KAZN: variants seen among roughly 807,000 people sequenced by gnomAD.
The protein encoded by KAZN is kazrin.
Under a neutral mutation model 87.4 loss-of-function variants are expected in KAZN, and 40 were observed. That is an observed-to-expected ratio of 0.46 (90% CI 0.36 to 0.60). KAZN has a LOEUF of 0.60. Among genes scored for constraint, KAZN ranks in the 20% least tolerant of loss-of-function variants. The pLI is 0.00. For missense variants in KAZN, 898 were observed against 1,073.9 expected (o/e 0.84, Z 2.29); for synonymous variants, 466 against 458.3 (o/e 1.02, Z -0.22).
chr1:14,681,617 A>ATATATATATATATATATGTGTG (rs1640594869), intron 1 of KAZN, among the ~76,000 whole-genome samples: 2 of 6,836 alleles, frequency 2.9e-4, no homozygotes, highest in African/African-American at 1.0e-3. Context: ...ATATGTGTAT[A>ATATATATATATATATATGTGTG]TATATATATA....
intron 1 of KAZN, among the ~76,000 whole-genome samples, chr1:14,638,238 A>G (rs1332035720): frequency 6.6e-6 from 1 of 152,120 alleles, no homozygotes; most frequent in African/African-American, 2.4e-5. Context: ...TGGGGGGGAC[A>G]CCATTCAACC....
intron 2 of KAZN, among the ~76,000 whole-genome samples, chr1:14,367,088 G>A (rs7546109): frequency 0.067 from 10,209 of 152,188 alleles, 550 homozygotes; most frequent in South Asian, 0.2. Context: ...AATTAGCGAG[G>A]CGTGGTGGCA....
At chr1:14,455,392 A>G (rs1415520766) in intron 2 of KAZN, among the ~76,000 whole-genome samples, 1 of 152,164 alleles carries the variant, frequency 6.6e-6, no homozygotes, top group Non-Finnish European at 1.5e-5. Flanking sequence ...GCTCTTCTGG[A>G]ACTTTCCATC....
chr1:14,837,825 G>A (rs570517425), intron 1 of KAZN, among the ~76,000 whole-genome samples: 1 of 152,148 alleles, frequency 6.6e-6, no homozygotes, highest in East Asian at 1.9e-4. Context: ...AAAGTGCTGG[G>A]ATTACAGGCG....
intron 1 of KAZN, among the ~76,000 whole-genome samples, chr1:14,083,134 C>T (rs1012804437): frequency 6.6e-6 from 1 of 152,182 alleles, no homozygotes; most frequent in East Asian, 1.9e-4. Context: ...AGGCTGTCCC[C>T]AGGGAACAAA....
Position 14,875,750 on chromosome 1 carries a change from T to C in KAZN, c.227-84934T>C, listed in dbSNP as rs549755521. On this transcript the variant is annotated intron_variant, in intron 1 of 14. Transcript: ENST00000376030. ...GGCAATGACTACAAATCAGGGCTCC[T>C]TCGCCCAACCCTCCACAGTTGATTG... Among the ~76,000 whole-genome samples, 3 of 152,332 alleles carry C rather than the reference T, an allele frequency of 2.0e-5. No individual in the cohort carries two copies. In the East Asian group the frequency reaches 5.8e-4, roughly 29 times the overall value.
chr1:14,537,583 T>C (rs1344197450), intron 2 of KAZN, among the ~76,000 whole-genome samples: 4 of 152,106 alleles, frequency 2.6e-5, no homozygotes, highest in Admixed American at 1.3e-4. Flanking sequence ...CTGAGTGTGG[T>C]CATTTGAATT....
intron 2 of KAZN, among the ~76,000 whole-genome samples, chr1:14,253,132 A>G (rs1379019387): frequency 3.3e-5 from 5 of 151,896 alleles, no homozygotes; most frequent in Admixed American, 6.6e-5. Flanking sequence ...AAAAAAAAAA[A>G]AAAACGGCCC....
Position 14,332,284 on chromosome 1 carries a change from T to C in KAZN, c.249+151692T>C, listed in dbSNP as rs1325269481. ...TAAGCTTTTGCTGTTGGGCAGAGTG[T>C]ATTCTCAGTATCTTCTGGTATACAT... On this transcript the variant is annotated intron_variant, in intron 2 of 16. Transcript: ENST00000636203. Among the ~76,000 whole-genome samples, 4 of 152,168 alleles carry C rather than the reference T, an allele frequency of 2.6e-5. No individual in the cohort carries two copies. The East Asian group carries it at 7.7e-4, about 29-fold the overall frequency.
intron 2 of KAZN, among the ~76,000 whole-genome samples, chr1:14,532,816 C>T (rs1276351113): frequency 6.6e-6 from 1 of 151,842 alleles, no homozygotes; most frequent in South Asian, 2.1e-4. Flanking sequence ...TTTTTTATGG[C>T]TGCATAGTAT....
chr1:15,036,230 A>T (rs1004463068), intron 3 of KAZN, among the ~76,000 whole-genome samples: 6 of 30,154 alleles, frequency 2.0e-4, no homozygotes, highest in African/African-American at 3.1e-4. Flanking sequence ...CTCTCCCCCC[A>T]TCCCCCTCTG....
chr1:14,594,770 C>G (rs76457713), upstream of KAZN, among the ~76,000 whole-genome samples: 2 of 152,276 alleles, frequency 1.3e-5, no homozygotes, highest in East Asian at 1.9e-4. Context: ...CCCAGGACAC[C>G]GGCGGTAAAC....
In KAZN at chr1:14,985,354, A is replaced by G. The variant is rs181464717; in HGVS notation, c.418+24479A>G. On this transcript the variant is annotated intron_variant, in intron 2 of 14. Coordinates refer to ENST00000376030, the MANE Select transcript of KAZN (RefSeq NM_201628.3). ...AGACCAGGTTGGGCAACATAGGGAG[A>G]CCTTGTCTCTATAAAACATTTTTAA... Among the ~76,000 whole-genome samples, 15 of 149,172 alleles carry G rather than the reference A, an allele frequency of 1.0e-4. No homozygotes were observed. In the East Asian group the frequency reaches 2.8e-3, roughly 28 times the overall value.
At chr1:14,439,350 T>C (rs1666572073) in intron 2 of KAZN, among the ~76,000 whole-genome samples, 1 of 149,228 alleles carries the variant, frequency 6.7e-6, no homozygotes, top group African/African-American at 2.5e-5. Context: ...GCTGCCCTGA[T>C]CTGAGCCACC....
At chr1:14,484,735 C>T (rs910840170) in intron 2 of KAZN, among the ~76,000 whole-genome samples, 14 of 152,194 alleles carry the variant, frequency 9.2e-5, no homozygotes, top group Admixed American at 8.5e-4. Flanking sequence ...GGCAGCCATG[C>T]GATCTTGGCT....
intron 11 of KAZN, among the ~76,000 whole-genome samples, chr1:15,102,857 C>A (rs1641127593): frequency 6.6e-6 from 1 of 152,240 alleles, no homozygotes; most frequent in Admixed American, 6.5e-5. Flanking sequence ...AGCAGCAGTG[C>A]CTTCCCCATG....
At chr1:14,409,013 A>C (rs1015845186) in intron 2 of KAZN, among the ~76,000 whole-genome samples, 7 of 152,176 alleles carry the variant, frequency 4.6e-5, no homozygotes, top group African/African-American at 1.4e-4. Context: ...AAAACATTCC[A>C]GGCAGAGGGA....
At position 15,021,422 on chromosome 1, in the gene KAZN, G is replaced by T. The variant is rs1386607189; in HGVS notation, c.419-13327G>T. Among the ~76,000 whole-genome samples, 1 of 152,180 alleles carries T rather than the reference G, an allele frequency of 6.6e-6. No homozygotes were observed. Among genetic ancestry groups the T allele is most frequent in the East Asian group, 1.9e-4 (1 of 5,192 alleles). On this transcript the variant is annotated intron_variant, in intron 2 of 14. Coordinates refer to ENST00000376030, the MANE Select transcript of KAZN (RefSeq NM_201628.3). This position sits in a 1 kb window ranked among gnomAD's most constrained non-coding sequence, Gnocchi z 4.2. ...TGCCACTATTTTTAGTGGTGATTGG[G>T]AGGAAGGAGGACATTTCCTGGACTC... is the stretch of plus-strand genomic sequence containing the variant.
Position 13,926,652 on chromosome 1 carries a change from TAAAA to T in KAZN, c.91+32909_91+32912del, listed in dbSNP as rs60345092. 0.011 allele frequency among the ~76,000 whole-genome samples: 1,524 copies of T among 145,122 alleles called. 112 individuals carry two copies. The East Asian group carries it at 0.2, about 19-fold the overall frequency. On this transcript the variant is annotated intron_variant, in intron 1 of 16. Transcript: ENST00000636203. ...GAAAGGAAGATTTATCTTTAAGAGT[TAAAA>T]AAAAAAAAAAAATCTCCTGGGAACT...
Sources: allele counts gnomAD v4.1 joint callset (sites outside exome capture counted in the v4.1 genomes callset), GRCh38; gene constraint gnomAD v4.1.1; non-coding constraint Gnocchi (gnomAD v3.1); transcripts MANE v1.5; gene names NCBI Gene and HGNC (gene_info 2026-07-23, HGNC 2026-07-21).